The following AFTPH variants were observed in gnomAD, a reference collection of about 807,000 sequenced individuals.
AFTPH encodes the protein aftiphilin protein.
In AFTPH, 7 loss-of-function variants were observed where a neutral mutation model predicts 72.5. The ratio of observed to expected loss-of-function variants is 0.10; its 90% CI spans 0.05 to 0.18. The LOEUF (loss-of-function observed/expected upper bound fraction) is 0.18. AFTPH is among the 10% of genes least tolerant of loss of function. The pLI, the probability that AFTPH is intolerant of heterozygous loss-of-function variation, is 1.00. For synonymous variants in AFTPH, 337 were observed against 370.1 expected (o/e 0.91, Z 1.03); for missense variants, 979 against 1,060.5 (o/e 0.92, Z 1.07).
At chr2:64,524,429 G>C (rs899552972) in exon 1 of AFTPH, 1 of 403,636 alleles carries the variant, frequency 2.5e-6, no homozygotes, top group Non-Finnish European at 4.4e-6. Context: ...AGTGGGATGG[G>C]GGTCCCGCGG....
chr2:64,571,798 C>G (rs1468793865), intron 5 of AFTPH, among the ~76,000 whole-genome samples: 6 of 152,102 alleles, frequency 3.9e-5, no homozygotes, highest in Non-Finnish European at 8.8e-5. Flanking sequence ...AAACATGTAA[C>G]AGTTTGACTT....
intron 1 of AFTPH, among the ~76,000 whole-genome samples, chr2:64,546,312 G>C (rs972674621): frequency 6.6e-6 from 1 of 152,068 alleles, no homozygotes; most frequent in Non-Finnish European, 1.5e-5. Flanking sequence ...TTTTTAAAAG[G>C]TGTTATGAGC....
At chr2:64,546,997 C>T (rs955460600) in intron 1 of AFTPH, among the ~76,000 whole-genome samples, 7 of 151,998 alleles carry the variant, frequency 4.6e-5, no homozygotes, top group South Asian at 2.1e-4. Context: ...TGCAGTGAGC[C>T]GAGATCGTGC....
intron 3 of AFTPH, 116 bp from the exon 4 acceptor site, chr2:64,568,976 C>T (rs904586412): frequency 1.5e-5 from 16 of 1,099,848 alleles, no homozygotes; most frequent in East Asian, 2.4e-5. Flanking sequence ...TATACACTTA[C>T]GTTGGACCCA....
chr2:64,535,890 C>G (rs1669856022), intron 1 of AFTPH, among the ~76,000 whole-genome samples: 1 of 152,094 alleles, frequency 6.6e-6, no homozygotes, highest in South Asian at 2.1e-4. Context: ...AAGTAGACTG[C>G]AGTAATCCTG....
chr2:64,574,228 AT>A (rs1672635109), intron 6 of AFTPH, among the ~76,000 whole-genome samples: 1 of 152,206 alleles, frequency 6.6e-6, no homozygotes, highest in Admixed American at 6.5e-5. Flanking sequence ...CTTAGATGTC[AT>A]TTTTAATTGT....
chr2:64,578,017 C>T (rs372565264), intron 6 of AFTPH, among the ~76,000 whole-genome samples: 1 of 152,194 alleles, frequency 6.6e-6, no homozygotes, highest in African/African-American at 2.4e-5. Context: ...AGTCACTGCC[C>T]CACAACCATC....
chr2:64,550,676 T>TACAC (rs1670974580), intron 1 of AFTPH, among the ~76,000 whole-genome samples: 1 of 75,884 alleles, frequency 1.3e-5, no homozygotes, highest in Non-Finnish European at 2.8e-5. Context: ...ACTGTACGCA[T>TACAC]GCACACACAC....
intron 8 of AFTPH, among the ~76,000 whole-genome samples, chr2:64,588,474 AAC>A: frequency 6.6e-6 from 1 of 152,210 alleles, no homozygotes; most frequent in South Asian, 2.1e-4. Context: ...GTCTTATAGG[AAC>A]TCTAACTTCT....
chr2:64,553,018 G>A lies in AFTPH; in HGVS notation c.1544G>A (p.Arg515Lys), dbSNP rs762794953. Residue 515 changes from arginine (R) to lysine (K), a missense_variant, in exon 2 of 9, where the codon AGA becomes AAA. By Grantham distance (26) the Arg-to-Lys change is conservative. Transcript: ENST00000238856. ...TTATCAGAAGAATGTCAATTGGCAA[G>A]AAAATCTAGTGGAACAGGCACTGAA... 2.5e-6 allele frequency: 4 copies of A among 1,614,002 alleles called. No homozygotes were observed. The African/African-American group carries it at 5.3e-5, about 22-fold the overall frequency.
In AFTPH at chr2:64,569,447, T is replaced by C. The variant is rs1045648284; in HGVS notation, c.2215-176T>C. On this transcript the variant is annotated intron_variant, in intron 4 of 8. Transcript: ENST00000238856. The stretch of plus-strand genomic sequence containing the variant: ...TTGTTTTAGTAGTTTTTCTTAAATA[T>C]AAAATGAAGGAATTGGACTGGGAGA... 2.0e-5 allele frequency among the ~76,000 whole-genome samples: 3 copies of C among 152,228 alleles called. No homozygotes were observed. The East Asian group carries it at 5.8e-4, about 29-fold the overall frequency.
intron 1 of AFTPH, among the ~76,000 whole-genome samples, chr2:64,530,635 G>T (rs756392533): frequency 4.6e-5 from 7 of 151,976 alleles, no homozygotes; most frequent in African/African-American, 1.7e-4. Context: ...TTAATATTTT[G>T]GTTTTCTTCC....
intron 5 of AFTPH, 89 bp from the exon 6 acceptor site, chr2:64,572,845 TCCAAGTGACCTG>T: frequency 1.3e-6 from 2 of 1,482,746 alleles, no homozygotes; most frequent in Non-Finnish European, 9.1e-7. Context: ...TTCAGTACTT[TCCAAGTGACCTG>T]TTTTTTACCT....
At chr2:64,548,965 CTGAG>C (rs1670848510) in intron 1 of AFTPH, among the ~76,000 whole-genome samples, 1 of 152,150 alleles carries the variant, frequency 6.6e-6, no homozygotes, top group African/African-American at 2.4e-5. Context: ...CCTGGTAACT[CTGAG>C]TGACTGACCA....
chr2:64,545,121 T>G (rs1358034493), intron 1 of AFTPH, among the ~76,000 whole-genome samples: 1 of 151,780 alleles, frequency 6.6e-6, no homozygotes, highest in Non-Finnish European at 1.5e-5. Context: ...TTTTAAAGAG[T>G]AAAAGTTTTG....
chr2:64,534,336 T>C (rs1669775020), intron 1 of AFTPH, among the ~76,000 whole-genome samples: 1 of 146,194 alleles, frequency 6.8e-6, no homozygotes. Context: ...CTGAACTCTT[T>C]TTATACTTTT....
intron 1 of AFTPH, among the ~76,000 whole-genome samples, chr2:64,543,590 G>A (rs1293793896): frequency 1.3e-5 from 2 of 152,166 alleles, no homozygotes; most frequent in South Asian, 2.1e-4. Context: ...CTGCCTGTGT[G>A]GTTATCCAGT....
chr2:64,558,887 C>T (rs1671546083), intron 2 of AFTPH, among the ~76,000 whole-genome samples: 1 of 152,180 alleles, frequency 6.6e-6, no homozygotes, highest in African/African-American at 2.4e-5. Context: ...CACACACATA[C>T]CAGCACTTAC....
intron 8 of AFTPH, among the ~76,000 whole-genome samples, 198 bp from the exon 10 acceptor site, chr2:64,591,690 C>T (rs3770722): frequency 0.45 from 68,966 of 151,902 alleles, 16,669 homozygotes; most frequent in African/African-American, 0.64. Flanking sequence ...ATAGGCCGCA[C>T]GTCACTCTTC....
Sources: allele counts gnomAD v4.1 joint callset (sites outside exome capture counted in the v4.1 genomes callset), GRCh38; gene constraint gnomAD v4.1.1; transcripts MANE v1.5; gene names NCBI Gene and HGNC (gene_info 2026-07-23, HGNC 2026-07-21).